The following GBF1 variants were observed in gnomAD, a reference collection of about 807,000 sequenced individuals.
GBF1 encodes Golgi-specific brefeldin A-resistance guanine nucleotide exchange factor 1.
In GBF1, 114 loss-of-function variants were observed where a neutral mutation model predicts 210.5. The ratio of observed to expected loss-of-function variants is 0.54; its 90% CI spans 0.47 to 0.63. The LOEUF is 0.63. Among genes scored for constraint, GBF1 ranks in the 30% least tolerant of loss-of-function variants. The pLI, the probability that GBF1 is intolerant of heterozygous loss-of-function variation, is 0.00. For synonymous variants in GBF1, 850 were observed against 889.2 expected (o/e 0.96, Z 0.78); for missense variants, 1,851 against 2,357.7 (o/e 0.79, Z 4.45).
chr10:102,305,041 G>T (rs891061528), intron 3 of GBF1, among the ~76,000 whole-genome samples: 2 of 151,952 alleles, frequency 1.3e-5, no homozygotes, highest in Admixed American at 6.6e-5. Flanking sequence ...AATTAGCTGG[G>T]TGTGGTGGTT....
intron 39 of GBF1, among the ~76,000 whole-genome samples, chr10:102,381,642 G>A (rs2060854530): frequency 6.6e-6 from 1 of 151,658 alleles, no homozygotes; most frequent in African/African-American, 2.4e-5. Context: ...GGCCAACATG[G>A]TGAAACCCCG....
chr10:102,358,684 G>A lies in GBF1; in HGVS notation c.966G>A (p.Glu322=), dbSNP rs1255613719. The A allele has an allele frequency of 1.9e-6, 3 of 1,614,000 alleles. No individual in the cohort carries two copies. The highest frequency in any genetic ancestry group is 1.7e-5 in the Admixed American group (1 of 60,006). ...PGSPGYSTAT[E]PGSSELGVPE... is the part of the protein sequence containing the mutation. Reference sequence around the variant, plus strand: ...CTCCAGGGTACAGCACAGCTACAGAGCCTGGAAGCAGTGAGCTAGGTGTTC... The same window carrying A: ...CTCCAGGGTACAGCACAGCTACAGAACCTGGAAGCAGTGAGCTAGGTGTTC... Residue 322 remains glutamate, a synonymous_variant, in exon 10 of 40, where the codon GAG becomes GAA. Coordinates refer to ENST00000369983, the MANE Select transcript of GBF1 (RefSeq NM_001377137.1).
intron 3 of GBF1, among the ~76,000 whole-genome samples, chr10:102,291,643 G>A (rs1292562538): frequency 6.6e-6 from 1 of 152,164 alleles, no homozygotes; most frequent in Non-Finnish European, 1.5e-5. Flanking sequence ...CAAATGGAAA[G>A]CGTGGGAGTG....
At chr10:102,300,976 C>CTT (rs11413620) in intron 3 of GBF1, among the ~76,000 whole-genome samples, 1,790 of 136,250 alleles carry the variant, frequency 0.013, 35 homozygotes, top group African/African-American at 0.038. Flanking sequence ...ATTTTCTTTT[C>CTT]TTTTTTTTTT....
At chr10:102,239,592 A>T in the GBF1 span, among the ~76,000 whole-genome samples, 19 of 152,350 alleles carry the variant, frequency 1.2e-4, no homozygotes, top group African/African-American at 4.6e-4. Flanking sequence ...AGGAATGGAC[A>T]TGGGAGTATG....
chr10:102,367,047 G>C, intron 19 of GBF1, 38 bp from the exon 20 acceptor site: 1 of 1,611,424 alleles, frequency 6.2e-7, no homozygotes, highest in Non-Finnish European at 8.5e-7. Flanking sequence ...ATTGGCCAGA[G>C]AAGGGCATTG....
At chr10:102,334,881 A>G (rs1232508559) in intron 3 of GBF1, among the ~76,000 whole-genome samples, 3 of 151,116 alleles carry the variant, frequency 2.0e-5, no homozygotes, top group East Asian at 1.9e-4. Flanking sequence ...ATTCATCCCC[A>G]TTTTGGAGAG....
At chr10:102,263,900 G>C (rs2073540884) in intron 3 of GBF1, among the ~76,000 whole-genome samples, 1 of 152,198 alleles carries the variant, frequency 6.6e-6, no homozygotes, top group African/African-American at 2.4e-5. Flanking sequence ...CAGTGAGAGA[G>C]ACTTGACTGC....
chr10:102,370,551 G>A lies in GBF1; in HGVS notation c.3506+73G>A, dbSNP rs113968194. On this transcript the variant is annotated intron_variant, in intron 28 of 39. Transcript: ENST00000369983. The stretch of plus-strand genomic sequence containing the variant: ...AAAGGGATGGAAGCCATCTTGCTGA[G>A]TGGGCTCTGGGGAACTGTAGGCAGC... 567 of 1,363,906 alleles carry A rather than the reference G, an allele frequency of 4.2e-4. 4 individuals carry two copies. The African/African-American group carries it at 6.8e-3, about 16-fold the overall frequency. 84.5% of individuals were successfully genotyped at this position (1,363,906 alleles called of 1,614,324 possible).
intron 4 of GBF1, among the ~76,000 whole-genome samples, chr10:102,349,828 G>T (rs1798575110): frequency 6.6e-6 from 1 of 152,170 alleles, no homozygotes; most frequent in African/African-American, 2.4e-5. Flanking sequence ...TGGGAGCTGA[G>T]TTCCCTGCTT....
At chr10:102,299,775 A>T (rs2077192401) in intron 3 of GBF1, among the ~76,000 whole-genome samples, 1 of 152,110 alleles carries the variant, frequency 6.6e-6, no homozygotes, top group South Asian at 2.1e-4. Context: ...CAAAAGCGAA[A>T]CTCCGTCCCA....
intron 3 of GBF1, among the ~76,000 whole-genome samples, chr10:102,287,908 T>G (rs2076096913): frequency 6.6e-6 from 1 of 152,198 alleles, no homozygotes; most frequent in South Asian, 2.1e-4. Flanking sequence ...TAAATGGAAA[T>G]TTTTAGATGT....
In GBF1 at chr10:102,351,935, T is replaced by C; in HGVS notation, c.507T>C (p.Phe169=). Residue 169 remains phenylalanine (F), a synonymous_variant, in exon 6 of 40, where the codon TTT becomes TTC. Coordinates refer to ENST00000369983, the MANE Select transcript of GBF1 (RefSeq NM_001377137.1). ...EIMQSCFRIC[F]EMRLSELLRK... The stretch of plus-strand genomic sequence containing the variant: ...TGCAGTCTTGCTTCCGGATCTGCTT[T>C]GAAATGAGGCTCAGTGGTAGGTGCT... The C allele has an allele frequency of 1.3e-6, 2 of 1,596,176 alleles. No homozygotes were observed. Among genetic ancestry groups the C allele is most frequent in the Non-Finnish European group, 1.7e-6 (2 of 1,163,698 alleles).
chr10:102,381,822 C>CA (rs1554985658), intron 39 of GBF1, among the ~76,000 whole-genome samples: 2 of 57,688 alleles, frequency 3.5e-5, no homozygotes, highest in African/African-American at 1.3e-4. Context: ...GACCCTGTCG[C>CA]GAAAAAAAAA....
At chr10:102,354,598 G>A (rs1329008447) in intron 8 of GBF1, among the ~76,000 whole-genome samples, 2 of 152,156 alleles carry the variant, frequency 1.3e-5, no homozygotes, top group African/African-American at 4.8e-5. Context: ...GCACGGCTTT[G>A]GAAGAGTTGC....
intron 10 of GBF1, chr10:102,359,026 G>A (rs2059444984): frequency 1.7e-6 from 1 of 589,676 alleles, no homozygotes; most frequent in Admixed American, 3.0e-5. Flanking sequence ...CTAAGCCTGT[G>A]AGAGGCTCTG....
intron 4 of GBF1, 36 bp downstream of exon 4, chr10:102,344,218 T>C (rs1194165317): frequency 3.7e-6 from 6 of 1,607,896 alleles, no homozygotes; most frequent in Non-Finnish European, 5.1e-6. Context: ...ACCACAGCAC[T>C]TCATTTCCCA....
chr10:102,286,976 G>T lies in GBF1; in HGVS notation c.163+26860G>T, dbSNP rs193220446. 2.0e-5 allele frequency among the ~76,000 whole-genome samples: 3 copies of T among 152,246 alleles called. 1 individual carries two copies. Among genetic ancestry groups the T allele is most frequent in the Admixed American group, 2.0e-4 (3 of 15,302 alleles). On this transcript the variant is annotated intron_variant, in intron 3 of 39. Transcript: ENST00000369983. ...GGGACTGTGTTGGACTCTTCTGATGGGGCCTTTTTGGCTGTGACAAGCCTT... is the reference window on the plus strand; with the variant it reads ...GGGACTGTGTTGGACTCTTCTGATGTGGCCTTTTTGGCTGTGACAAGCCTT...
intron 3 of GBF1, among the ~76,000 whole-genome samples, chr10:102,339,517 A>C (rs2058024973): frequency 6.6e-6 from 1 of 151,518 alleles, no homozygotes. Flanking sequence ...GTACAAAAAA[A>C]TTAACTGGGC....
Sources: allele counts gnomAD v4.1 joint callset (sites outside exome capture counted in the v4.1 genomes callset), GRCh38; gene constraint gnomAD v4.1.1; transcripts MANE v1.5; gene names NCBI Gene and HGNC (gene_info 2026-07-23, HGNC 2026-07-21).